The following ADCY8 variants were observed in gnomAD, a reference collection of about 807,000 sequenced individuals.
ADCY8 encodes the protein adenylate cyclase type 8.
ADCY8 carries 51 observed loss-of-function variants against 119.7 expected under a neutral mutation model. The observed-to-expected ratio is 0.43, with a 90% CI of 0.34 to 0.54. ADCY8 has a LOEUF of 0.54. Among genes scored for constraint, ADCY8 ranks in the 20% least tolerant of loss-of-function variants. The probability of loss-of-function intolerance (pLI) is 0.03; values close to 1 mark genes in which losing one functional copy is unlikely to be tolerated. For synonymous variants in ADCY8, 665 were observed against 651.0 expected (o/e 1.02, Z -0.33); for missense variants, 1,383 against 1,598.8 (o/e 0.87, Z 2.30).
Position 131,040,682 on chromosome 8 carries a change from G to C in ADCY8, c.-349C>G, listed in dbSNP as rs757694511. On this transcript the variant is annotated 5_prime_UTR_variant, in exon 1 of 18. Coordinates refer to ENST00000286355, the MANE Select transcript of ADCY8 (RefSeq NM_001115.3). ...GCTCAGGCTCCTTGGTTGATTCTAGGCTCAGCGTTTTGGCGCAGCCTTTGC... is the reference window on the plus strand; with the variant it reads ...GCTCAGGCTCCTTGGTTGATTCTAGCCTCAGCGTTTTGGCGCAGCCTTTGC... 6 of 199,696 alleles carry C rather than the reference G, an allele frequency of 3.0e-5. No individual in the cohort carries two copies. The highest frequency in any genetic ancestry group is 5.0e-5 in the Non-Finnish European group (5 of 100,140). The allele number at this position is 199,696 out of a possible 1,614,324, so 12.4% of individuals were successfully genotyped here. A position where few individuals can be genotyped will look rare whatever the true frequency, so the allele number is the denominator to read the frequency against.
Position 131,039,963 on chromosome 8 carries a change from C to T in ADCY8, c.371G>A (p.Gly124Glu), listed in dbSNP as rs761473736. ...GSGSASGSGG[G>E]GDLGFLHLDC... is the part of the protein sequence containing the mutation. ...AAGGTGCAGGAAGCCCAGGTCGCCC[C>T]CGCCTCCGCTGCCGCTGGCACTGCC... The change falls in exon 1 of 18, where the codon GGG becomes GAG. Residue 124 changes from glycine to glutamate, a missense_variant. Physicochemically the swap from Gly to Glu is moderately conservative, Grantham distance 98. Around this residue, in one of 2 missense-constraint regions of ADCY8, gnomAD observed 455 missense variants for 435.3 expected, o/e 1.05. Coordinates refer to ENST00000286355, the MANE Select transcript of ADCY8 (RefSeq NM_001115.3). The T allele has an allele frequency of 1.3e-6, 2 of 1,587,762 alleles. No individual in the cohort carries two copies. The highest frequency in any genetic ancestry group is 2.3e-5 in the South Asian group (2 of 88,558).
chr8:130,826,757 C>T (rs10113163), intron 12 of ADCY8, among the ~76,000 whole-genome samples: 33,801 of 141,090 alleles, frequency 0.24, 3,877 homozygotes, highest in East Asian at 0.28. Context: ...ATGAATAAAG[C>T]GGTGGGTATT....
In ADCY8 at chr8:130,903,897, A is replaced by G. The variant is rs146745350; in HGVS notation, c.1786T>C (p.Ser596Pro). 11 of 1,613,984 alleles carry G rather than the reference A, an allele frequency of 6.8e-6. No homozygotes were observed. Among genetic ancestry groups the G allele is most frequent in the African/African-American group, 2.7e-5 (2 of 74,902 alleles). ...TCCTTGACGATATCTTCAGGCAAGGACAGCAGACTGTCCTCAGGCTGCTTA... is the reference window on the plus strand; with the variant it reads ...TCCTTGACGATATCTTCAGGCAAGGGCAGCAGACTGTCCTCAGGCTGCTTA... ...LIKQPEDSLL[S>P]LPEDIVKESV... Residue 596 changes from serine (S) to proline (P), a missense_variant, in exon 7 of 18, where the codon TCC becomes CCC. This residue lies in a region of ADCY8 where 928 missense variants were observed against 1,163.5 expected (regional missense o/e 0.80). Transcript: ENST00000286355.
intron 2 of ADCY8, among the ~76,000 whole-genome samples, chr8:130,969,659 G>T (rs1012046962): frequency 2.0e-5 from 3 of 152,194 alleles, no homozygotes; most frequent in African/African-American, 4.8e-5. Context: ...TCTTGGGGCT[G>T]CCAGAGTCTT....
chr8:130,990,317 G>T lies in ADCY8; in HGVS notation c.1110+76C>A, dbSNP rs1156701463. ...CACTTTTAAGTCAGGACGTGTTTGG[G>T]AGTAAAACAGTAGCTCCATATAATT... On this transcript the variant is annotated intron_variant, in intron 2 of 17. Transcript: ENST00000286355. The T allele has an allele frequency of 2.7e-5, 41 of 1,534,642 alleles. 1 individual carries two copies. The highest frequency in any genetic ancestry group is 3.6e-5 in the Non-Finnish European group (41 of 1,132,360).
Position 130,814,076 on chromosome 8 carries a change from T to G in ADCY8, c.2906A>C (p.Asp969Ala), listed in dbSNP as rs140876332. The change falls in exon 14 of 18, where the codon GAC (aspartate) becomes GCC (alanine). Residue 969 changes from aspartate (D) to alanine (A), a missense_variant. Physicochemically the swap from Asp to Ala is moderately radical, Grantham distance 126. Transcript: ENST00000286355. Reference protein sequence around the residue: ...VARHFLEKDRDNEELYSQSYD... With the variant: ...VARHFLEKDRANEELYSQSYD... ...GACCAGCCCCTGGCTCACCTCATTG[T>G]CTCGGTCCTTCTCTAGGAAATGGCG... is the stretch of plus-strand genomic sequence containing the variant. The G allele has an allele frequency of 2.5e-6, 4 of 1,614,018 alleles. No homozygotes were observed. In the African/African-American group the frequency reaches 5.3e-5, roughly 22 times the overall value.
chr8:131,026,369 G>C (rs887978323), intron 1 of ADCY8, among the ~76,000 whole-genome samples: 3 of 151,916 alleles, frequency 2.0e-5, no homozygotes, highest in African/African-American at 7.3e-5. Flanking sequence ...CCAGAACTAT[G>C]AGAAATAAAT....
At chr8:130,828,091 G>A (rs927662436) in intron 12 of ADCY8, among the ~76,000 whole-genome samples, 1 of 152,246 alleles carries the variant, frequency 6.6e-6, no homozygotes, top group South Asian at 2.1e-4. Flanking sequence ...TTATCCAAAG[G>A]CTTCTGAACT....
rs989460400 is a variant in ADCY8, at chr8:130,982,934, A to G, written c.1110+7459T>C. ...CACGTTGCAGATGCTAAATATACACAGAGGGCTAGTACCATACTGGACAGA... is the reference window on the plus strand; with the variant it reads ...CACGTTGCAGATGCTAAATATACACGGAGGGCTAGTACCATACTGGACAGA... On this transcript the variant is annotated intron_variant, in intron 2 of 17. Transcript: ENST00000286355. Among the ~76,000 whole-genome samples, 4 of 152,216 alleles carry G rather than the reference A, an allele frequency of 2.6e-5. 1 individual carries two copies. The highest frequency in any genetic ancestry group is 2.0e-4 in the Admixed American group (3 of 15,286).
At chr8:130,871,975 C>T (rs1818377364) in intron 8 of ADCY8, among the ~76,000 whole-genome samples, 1 of 152,238 alleles carries the variant, frequency 6.6e-6, no homozygotes, top group African/African-American at 2.4e-5. Flanking sequence ...CACACACACA[C>T]ACATATGTAT....
At chr8:130,943,942 A>G (rs918711917) in intron 3 of ADCY8, among the ~76,000 whole-genome samples, 8 of 152,176 alleles carry the variant, frequency 5.3e-5, no homozygotes, top group Admixed American at 5.2e-4. Context: ...GTAAATAGGC[A>G]TTTCTCAAAA....
chr8:130,784,290 T>G (rs1815182612), intron 16 of ADCY8, among the ~76,000 whole-genome samples: 2 of 152,148 alleles, frequency 1.3e-5, no homozygotes, highest in Non-Finnish European at 2.9e-5. Context: ...CTATTTCCTT[T>G]GAATTGCTCA....
In ADCY8 at chr8:131,040,208, C is replaced by T; in HGVS notation, c.126G>A (p.Val42=). Residue 42 remains valine, a synonymous_variant, in exon 1 of 18, where the codon GTG becomes GTA. Coordinates refer to ENST00000286355, the MANE Select transcript of ADCY8 (RefSeq NM_001115.3). Reference sequence around the variant, plus strand: ...TGAAGCGCTGCTCCGTGATGTGTCGCACCGCCGTCTGCCACAGCAGCCGCT... The same window carrying T: ...TGAAGCGCTGCTCCGTGATGTGTCGTACCGCCGTCTGCCACAGCAGCCGCT... The part of the protein sequence containing the change: ...RPQRLLWQTA[V]RHITEQRFIH... 1 of 1,536,906 alleles carries T rather than the reference C, an allele frequency of 6.5e-7. No homozygotes were observed. Among genetic ancestry groups the T allele is most frequent in the Non-Finnish European group, 8.7e-7 (1 of 1,147,838 alleles).
intron 9 of ADCY8, among the ~76,000 whole-genome samples, chr8:130,864,484 A>ATT (rs1818045214): frequency 6.6e-6 from 1 of 151,904 alleles, no homozygotes; most frequent in Non-Finnish European, 1.5e-5. Context: ...TTATGTGTAT[A>ATT]TTTCTTCTTT....
intron 9 of ADCY8, among the ~76,000 whole-genome samples, chr8:130,853,051 AT>A (rs1014538497): frequency 1.3e-5 from 2 of 152,138 alleles, no homozygotes; most frequent in African/African-American, 4.8e-5. Flanking sequence ...TGCTCACTAT[AT>A]CTCTCCAAGG....
chr8:130,812,289 T>A (rs1245138911), intron 14 of ADCY8, among the ~76,000 whole-genome samples: 1 of 152,168 alleles, frequency 6.6e-6, no homozygotes, highest in East Asian at 1.9e-4. Context: ...TTAGGCTCTG[T>A]CTAGGGTTTC....
At chr8:130,878,103 T>G (rs1331562475) in intron 8 of ADCY8, among the ~76,000 whole-genome samples, 1 of 152,154 alleles carries the variant, frequency 6.6e-6, no homozygotes, top group Non-Finnish European at 1.5e-5. Context: ...GGGCAGACAA[T>G]CATACTCATT....
chr8:130,936,863 A>C (rs1820802591), intron 5 of ADCY8, among the ~76,000 whole-genome samples: 1 of 152,202 alleles, frequency 6.6e-6, no homozygotes, highest in African/African-American at 2.4e-5. Context: ...TTGTAGCACA[A>C]ATAATTAAAA....
intron 8 of ADCY8, among the ~76,000 whole-genome samples, chr8:130,877,813 G>A (rs1401140084): frequency 6.6e-6 from 1 of 152,162 alleles, no homozygotes; most frequent in Admixed American, 6.5e-5. Context: ...GTCACTGCTT[G>A]TGCTCCAGTG....
Sources: gnomAD v4.1 joint callset for allele counts (sites outside exome capture counted in the v4.1 genomes callset) on GRCh38, gnomAD v4.1.1 for gene constraint, gnomAD v4.1.1 regional missense constraint, MANE v1.5 for transcripts, NCBI Gene and HGNC (gene_info 2026-07-23, HGNC 2026-07-21) for gene names.